Variants in SPIB observed in about 807,000 individuals in gnomAD.
SPIB encodes the protein transcription factor Spi-B.
SPIB carries 7 observed loss-of-function variants against 31.9 expected under a neutral mutation model. The observed-to-expected ratio is 0.22, with a 90% confidence interval of 0.12 to 0.41. The LOEUF (loss-of-function observed/expected upper bound fraction) is 0.41, where lower values mean the gene tolerates loss of function less well. SPIB is among the 10% of genes least tolerant of loss of function. The probability of loss-of-function intolerance (pLI) is 1.00; values close to 1 mark genes in which losing one functional copy is unlikely to be tolerated. For synonymous variants in SPIB, 176 were observed against 158.9 expected, an observed-to-expected ratio of 1.11 and a Z score of -0.81; for missense variants, 327 against 360.2, an observed-to-expected ratio of 0.91 and a Z score of 0.75.
intron 5 of SPIB, among the ~76,000 whole-genome samples, chr19:50,425,855 G>A (rs2039558934): frequency 6.6e-6 from 1 of 152,174 alleles, no homozygotes; most frequent in African/African-American, 2.4e-5. Flanking sequence ...GGGACCAGTG[G>A]ACTGACGCCT....
At chr19:50,423,474 C>A in intron 4 of SPIB, 131 bp from the exon 5 acceptor site, 1 of 1,316,096 alleles carries the variant, frequency 7.6e-7, no homozygotes, top group Non-Finnish European at 1.0e-6. Flanking sequence ...GTGATCTGAA[C>A]AAAGGCCAAA....
rs1483933740 is a variant in SPIB, at chr19:50,428,132, C to T, written c.585C>T (p.Ala195=). 6.3e-7 allele frequency: 1 copy of T among 1,584,272 alleles called. No individual in the cohort carries two copies. The highest frequency in any genetic ancestry group is 8.6e-7 in the Non-Finnish European group (1 of 1,164,906). Residue 195 remains alanine (A), a synonymous_variant, in exon 6 of 6, where the codon GCC becomes GCT. Transcript: ENST00000595883. This position sits in a 1 kb window ranked among gnomAD's most constrained non-coding sequence, Gnocchi z 6.5. ...RECVWWVEPG[A]GVFQFSSKHK... ...GCGTGTGGTGGGTGGAGCCAGGCGC[C>T]GGCGTCTTCCAGTTCTCCTCCAAGC...
rs140102901 is a variant in SPIB, at chr19:50,427,813, C to T, written c.491-225C>T. Among the ~76,000 whole-genome samples the T allele has an allele frequency of 5.0e-3, 729 of 145,266 alleles. 3 individuals carry two copies. Among genetic ancestry groups the T allele is most frequent in the African/African-American group, 0.018 (658 of 37,194 alleles). ...ATCTCGAAAATTAAAGCACAGAACG[C>T]GGAGGGGGCCTGGGGCTGACAGCTT... On this transcript the variant is annotated intron_variant, in intron 5 of 5. Transcript: ENST00000595883.
intron 4 of SPIB, among the ~76,000 whole-genome samples, chr19:50,423,390 A>T (rs1163463018): frequency 2.0e-5 from 3 of 152,088 alleles, no homozygotes; most frequent in Non-Finnish European, 4.4e-5. Context: ...GAAGCCAGGG[A>T]CAGGGCAGAC....
chr19:50,422,991 C>T lies in SPIB; in HGVS notation c.293C>T (p.Pro98Leu), dbSNP rs766961022. 78 of 1,562,116 alleles carry T rather than the reference C, an allele frequency of 5.0e-5. No individual in the cohort carries two copies. Among genetic ancestry groups the T allele is most frequent in the African/African-American group, 3.0e-4 (22 of 73,250 alleles). Residue 98 changes from proline to leucine, a missense_variant, in exon 4 of 6, where the codon CCG becomes CTG. Coordinates refer to ENST00000595883, the MANE Select transcript of SPIB (RefSeq NM_003121.5). ...GAACTGGCCCCCAGCCTGGAGGCCC[C>T]GGGGCCTGGCCTCCCTGCATACCCC... is the stretch of plus-strand genomic sequence containing the variant. ...NLELAPSLEA[P>L]GPGLPAYPTE... is the part of the protein sequence containing the mutation.
At chr19:50,425,633 G>A (rs565658807) in intron 5 of SPIB, among the ~76,000 whole-genome samples, 41 of 152,236 alleles carry the variant, frequency 2.7e-4, no homozygotes, top group Non-Finnish European at 5.6e-4. Context: ...TAGAGGTGAG[G>A]TCTCGCTATG....
intron 5 of SPIB, among the ~76,000 whole-genome samples, chr19:50,423,985 T>C (rs566662116): frequency 3.9e-5 from 6 of 152,166 alleles, no homozygotes; most frequent in African/African-American, 9.6e-5. Context: ...CCTGAGGTCG[T>C]TGGGGGGACT....
At chr19:50,427,126 C>A (rs1006948113) in intron 5 of SPIB, among the ~76,000 whole-genome samples, 5 of 151,230 alleles carry the variant, frequency 3.3e-5, no homozygotes, top group African/African-American at 1.2e-4. Context: ...CGAGACCCTG[C>A]CTTGAAAAAA....
In SPIB at chr19:50,422,965, C is replaced by T. The variant is rs1009054822; in HGVS notation, c.267C>T (p.Leu89=). The T allele has an allele frequency of 6.9e-6, 11 of 1,585,112 alleles. No homozygotes were observed. Among genetic ancestry groups the T allele is most frequent in the African/African-American group, 1.4e-5 (1 of 73,978 alleles). The change falls in exon 4 of 6, where the codon CTC becomes CTT. Residue 89 remains leucine (L), a synonymous_variant. Coordinates refer to ENST00000595883, the MANE Select transcript of SPIB (RefSeq NM_003121.5). ...EPPTYSPAGN[L]ELAPSLEAPG... ...CCACCTACAGCCCTGCAGGGAACCT[C>T]GAACTGGCCCCCAGCCTGGAGGCCC...
chr19:50,421,495 G>A (rs569983928), intron 2 of SPIB, among the ~76,000 whole-genome samples: 9 of 151,914 alleles, frequency 5.9e-5, no homozygotes, highest in Non-Finnish European at 1.3e-4. Flanking sequence ...GCTAATTTTT[G>A]TATTTTTAGT....
In SPIB at chr19:50,423,618, C is replaced by T. The variant is rs768128987; in HGVS notation, c.353C>T (p.Pro118Leu). Residue 118 changes from proline to leucine, a missense_variant, in exon 5 of 6, where the codon CCG (proline) becomes CTG (leucine). Physicochemically the swap from Pro to Leu is moderately conservative, Grantham distance 98. Coordinates refer to ENST00000595883, the MANE Select transcript of SPIB (RefSeq NM_003121.5). The stretch of plus-strand genomic sequence containing the variant: ...GACCTTCCGCAGACCCTGGTTCCCC[C>T]GGCATATGCCCCGTACCCCAGCCCT... The part of the protein sequence containing the change: ...ENFASQTLVP[P>L]AYAPYPSPVL... 9.3e-6 allele frequency: 15 copies of T among 1,613,580 alleles called. No individual in the cohort carries two copies. The highest frequency in any genetic ancestry group is 2.2e-5 in the East Asian group (1 of 44,874).
chr19:50,425,532 C>T (rs1018795680), intron 5 of SPIB, among the ~76,000 whole-genome samples: 1 of 152,202 alleles, frequency 6.6e-6, no homozygotes, highest in Non-Finnish European at 1.5e-5. Flanking sequence ...CCTCAAACTC[C>T]TGGGCTCAAT....
At chr19:50,421,511 C>T (rs1021870000) in intron 2 of SPIB, among the ~76,000 whole-genome samples, 8 of 151,276 alleles carry the variant, frequency 5.3e-5, no homozygotes, top group African/African-American at 1.9e-4. Context: ...TTAGTAGAGA[C>T]GGGGTTTCAC....
At chr19:50,420,153 A>G (rs2039476418) in intron 2 of SPIB, among the ~76,000 whole-genome samples, 180 bp downstream of exon 2, 1 of 152,088 alleles carries the variant, frequency 6.6e-6, no homozygotes. Context: ...TCCCCCTCTC[A>G]GGCTTGAATC....
At chr19:50,422,425 T>A (rs1441230459) in intron 2 of SPIB, 48 bp from the exon 3 acceptor site, 3 of 1,583,536 alleles carry the variant, frequency 1.9e-6, no homozygotes, top group Non-Finnish European at 2.6e-6. Context: ...GGGTTGGGAG[T>A]CCCCAAGGCC....
chr19:50,419,704 C>G (rs2039464621), intron 1 of SPIB, among the ~76,000 whole-genome samples: 1 of 152,238 alleles, frequency 6.6e-6, no homozygotes, highest in Admixed American at 6.5e-5. Flanking sequence ...TTTCCCTGCC[C>G]CTCCCCACCA....
chr19:50,422,675 C>G, intron 3 of SPIB, 130 bp downstream of exon 3: 2 of 1,116,144 alleles, frequency 1.8e-6, no homozygotes, highest in South Asian at 2.8e-5. Context: ...CCCTCCTCCC[C>G]TTTCCTCTCC....
At chr19:50,424,807 A>T (rs1406492167) in intron 5 of SPIB, among the ~76,000 whole-genome samples, 1 of 150,728 alleles carries the variant, frequency 6.6e-6, no homozygotes, top group Non-Finnish European at 1.5e-5. Context: ...AAAGAAAAAA[A>T]AATTAATGGG....
At chr19:50,427,251 G>A (rs11084013) in intron 5 of SPIB, among the ~76,000 whole-genome samples, 28,149 of 151,816 alleles carry the variant, frequency 0.19, 3,243 homozygotes, top group South Asian at 0.34. Flanking sequence ...TTGGCCGGGC[G>A]CAGTGGCTCA....
Sources: gnomAD v4.1 joint callset for allele counts (sites outside exome capture counted in the v4.1 genomes callset) on GRCh38, gnomAD v4.1.1 for gene constraint, Gnocchi (gnomAD v3.1) non-coding constraint, MANE v1.5 for transcripts, NCBI Gene and HGNC (gene_info 2026-07-23, HGNC 2026-07-21) for gene names.